HTR1F: variants seen among roughly 807,000 people sequenced by gnomAD.
HTR1F encodes 5-hydroxytryptamine (serotonin) receptor 1F, G protein-coupled.
HTR1F carries 17 observed loss-of-function variants against 24.0 expected under a neutral mutation model. The ratio of observed to expected loss-of-function variants is 0.71; its 90% CI spans 0.48 to 1.06. The LOEUF is 1.06. HTR1F is among the 50% of genes least tolerant of loss of function. HTR1F has a pLI of 0.00. For synonymous variants in HTR1F, 186 were observed against 156.8 expected (o/e 1.19, Z -1.39); for missense variants, 391 against 427.8 (o/e 0.91, Z 0.76).
intron 2 of HTR1F, among the ~76,000 whole-genome samples, chr3:87,900,446 T>G (rs746065425): frequency 6.6e-5 from 10 of 152,142 alleles, no homozygotes; most frequent in Middle Eastern, 3.2e-3. Flanking sequence ...GAGAAACCTT[T>G]AATTTAAATA....
In HTR1F at chr3:87,801,966, G is replaced by A. The variant is rs183319043; in HGVS notation, c.-160+9124G>A. 6.5e-4 allele frequency among the ~76,000 whole-genome samples: 99 copies of A among 151,570 alleles called. 1 individual carries two copies. Among genetic ancestry groups the A allele is most frequent in the Middle Eastern group, 3.4e-3 (1 of 290 alleles). ...TGTGATATTTAGAAAAATATATAAA[G>A]CATGGCTTTGCTTTCTTTCTTTCCT... On this transcript the variant is annotated intron_variant, in intron 1 of 2. Coordinates refer to ENST00000319595, the MANE Select transcript of HTR1F (RefSeq NM_001322209.2).
chr3:87,900,516 A>T (rs1256135486), intron 2 of HTR1F, among the ~76,000 whole-genome samples: 1 of 152,196 alleles, frequency 6.6e-6, no homozygotes, highest in African/African-American at 2.4e-5. Context: ...CTTACATTTC[A>T]GCAGGGTGAC....
intron 2 of HTR1F, among the ~76,000 whole-genome samples, chr3:87,968,911 G>T (rs985288106): frequency 6.6e-5 from 10 of 152,164 alleles, no homozygotes; most frequent in African/African-American, 2.4e-4. Context: ...CTTGGTACTC[G>T]GCATCCCAGC....
At chr3:87,940,658 C>G (rs1704546041) in intron 2 of HTR1F, among the ~76,000 whole-genome samples, 1 of 152,110 alleles carries the variant, frequency 6.6e-6, no homozygotes, top group Non-Finnish European at 1.5e-5. Flanking sequence ...AAAAAAGAGC[C>G]CATATAGCCA....
chr3:87,822,852 T>C (rs537882693), intron 2 of HTR1F, among the ~76,000 whole-genome samples: 24 of 152,238 alleles, frequency 1.6e-4, no homozygotes, highest in Non-Finnish European at 3.4e-4. Flanking sequence ...CCTAATATCT[T>C]TATTCAGGTC....
chr3:87,945,545 G>A (rs946526437), intron 2 of HTR1F, among the ~76,000 whole-genome samples: 27 of 152,160 alleles, frequency 1.8e-4, no homozygotes, highest in African/African-American at 5.1e-4. Flanking sequence ...GATGTCAACC[G>A]GCTAATGCTG....
At chr3:87,930,626 G>T (rs1704239579) in intron 2 of HTR1F, among the ~76,000 whole-genome samples, 1 of 152,120 alleles carries the variant, frequency 6.6e-6, no homozygotes, top group South Asian at 2.1e-4. Flanking sequence ...TTGCATCCCT[G>T]GGGTGAAGTC....
intron 2 of HTR1F, among the ~76,000 whole-genome samples, chr3:87,959,632 A>T (rs1369039235): frequency 3.9e-5 from 6 of 151,930 alleles, no homozygotes; most frequent in Admixed American, 3.9e-4. Context: ...AGAGAGACAA[A>T]TATGAAATGT....
At chr3:87,917,662 G>C (rs1379508107) in intron 2 of HTR1F, among the ~76,000 whole-genome samples, 1 of 151,642 alleles carries the variant, frequency 6.6e-6, no homozygotes. Flanking sequence ...GCTTAAATCA[G>C]GAAGAATTAG....
At chr3:87,942,871 T>A (rs1704604411) in intron 2 of HTR1F, among the ~76,000 whole-genome samples, 1 of 152,160 alleles carries the variant, frequency 6.6e-6, no homozygotes, top group Admixed American at 6.5e-5. Flanking sequence ...TGAAGTTTTT[T>A]AATGTCTGCA....
chr3:87,943,901 G>A (rs1001690983), intron 2 of HTR1F, among the ~76,000 whole-genome samples: 4 of 152,124 alleles, frequency 2.6e-5, no homozygotes, highest in Admixed American at 2.6e-4. Context: ...CATCTTAGGG[G>A]CGTTTTTGCC....
chr3:87,891,088 G>T (rs1706072231), intron 2 of HTR1F, among the ~76,000 whole-genome samples: 1 of 151,990 alleles, frequency 6.6e-6, no homozygotes, highest in Non-Finnish European at 1.5e-5. Context: ...TGATCCCCCT[G>T]CCTCGGCCTC....
intron 2 of HTR1F, among the ~76,000 whole-genome samples, chr3:87,875,676 T>C (rs992437921): frequency 4.0e-5 from 6 of 151,454 alleles, no homozygotes; most frequent in African/African-American, 1.5e-4. Flanking sequence ...TGTAATCTCA[T>C]CACTTTGGGA....
chr3:87,971,625 G>A (rs1483740598), intron 2 of HTR1F, among the ~76,000 whole-genome samples: 2 of 152,112 alleles, frequency 1.3e-5, no homozygotes, highest in African/African-American at 4.8e-5. Context: ...AAATTTTAGA[G>A]TCTCTCCAAA....
At chr3:87,917,689 A>G (rs967894675) in intron 2 of HTR1F, among the ~76,000 whole-genome samples, 2 of 151,888 alleles carry the variant, frequency 1.3e-5, no homozygotes, top group African/African-American at 4.8e-5. Context: ...TGAACAGATG[A>G]AAAACAAGCA....
At chr3:87,858,398 T>G (rs1196807293) in intron 2 of HTR1F, among the ~76,000 whole-genome samples, 1 of 152,180 alleles carries the variant, frequency 6.6e-6, no homozygotes, top group Non-Finnish European at 1.5e-5. Flanking sequence ...TACATTGTTT[T>G]GCCCGAGAAG....
chr3:87,937,879 G>A (rs372628223), intron 2 of HTR1F, among the ~76,000 whole-genome samples: 83 of 150,708 alleles, frequency 5.5e-4, no homozygotes, highest in Non-Finnish European at 9.1e-4. Context: ...AGCCGAGATC[G>A]TGCCACTGCA....
rs187911281 is a variant in HTR1F, at chr3:87,965,147, C to A, written c.-42-25561C>A. ...GCATGAGAACAGACTAATATACTGC[C>A]CCTGTGTGATGTGAAGTCACTTGTT... is the stretch of plus-strand genomic sequence containing the variant. On this transcript the variant is annotated intron_variant, in intron 2 of 2. Coordinates refer to ENST00000319595, the MANE Select transcript of HTR1F (RefSeq NM_001322209.2). Among the ~76,000 whole-genome samples, 33 of 152,196 alleles carry A rather than the reference C, an allele frequency of 2.2e-4. No homozygotes were observed. The East Asian group carries it at 6.2e-3, about 29-fold the overall frequency.
At chr3:87,839,624 A>C (rs1704757782) in intron 2 of HTR1F, among the ~76,000 whole-genome samples, 1 of 151,874 alleles carries the variant, frequency 6.6e-6, no homozygotes, top group East Asian at 1.9e-4. Context: ...TTTCACTTTT[A>C]ACTTTTATTT....
Sources: gnomAD v4.1 joint callset for allele counts (sites outside exome capture counted in the v4.1 genomes callset) on GRCh38, gnomAD v4.1.1 for gene constraint, MANE v1.5 for transcripts, NCBI Gene and HGNC (gene_info 2026-07-23, HGNC 2026-07-21) for gene names.